COL4A4: variants seen among roughly 807,000 people sequenced by gnomAD.
COL4A4 encodes the protein collagen type IV alpha 4 chain, also known as collagen alpha-4(IV) chain.
A neutral mutation model predicts 192.9 loss-of-function variants in COL4A4; 105 were observed. That is an observed-to-expected ratio of 0.54 (90% confidence interval 0.46 to 0.64). The LOEUF (loss-of-function observed/expected upper bound fraction) is 0.64, where lower values mean the gene tolerates loss of function less well. COL4A4 is among the 30% of genes least tolerant of loss of function. COL4A4 has a pLI of 0.00. For missense variants in COL4A4, 1,967 were observed against 2,169.3 expected (o/e 0.91, Z 1.85); for synonymous variants, 762 against 769.9 (o/e 0.99, Z 0.17).
chr2:226,986,575 A>C, the COL4A4 span, among the ~76,000 whole-genome samples: 2 of 152,232 alleles, frequency 1.3e-5, no homozygotes, highest in Non-Finnish European at 2.9e-5. Flanking sequence ...GAAGCATATG[A>C]AAAAAAGCTC....
intron 33 of COL4A4, among the ~76,000 whole-genome samples, chr2:227,050,696 C>T (rs1312207560): frequency 6.6e-6 from 1 of 152,082 alleles, no homozygotes; most frequent in Non-Finnish European, 1.5e-5. Context: ...TCCAGTAAAC[C>T]AGTGGTCATG....
Position 227,027,744 on chromosome 2 carries a change from G to T in COL4A4, c.4081+158C>A, listed in dbSNP as rs1169935876. 1.3e-5 allele frequency: 7 copies of T among 554,022 alleles called. No homozygotes were observed. The East Asian group carries it at 1.8e-4, about 14-fold the overall frequency. 34.3% of individuals were successfully genotyped at this position (554,022 alleles called of 1,614,324 possible). A position where few individuals can be genotyped will look rare whatever the true frequency, so the allele number is the denominator to read the frequency against. ...TAAATTATTACTTTACCAAACATGA[G>T]ACTTTGTAGTGCGGCCTGAAAGAAA... On this transcript the variant is annotated intron_variant, in intron 42 of 47. Transcript: ENST00000396625.
At chr2:227,104,969 G>T (rs2060750680) in intron 12 of COL4A4, among the ~76,000 whole-genome samples, 1 of 151,804 alleles carries the variant, frequency 6.6e-6, no homozygotes, top group Non-Finnish European at 1.5e-5. Flanking sequence ...ATTTTTGGTG[G>T]TGTGTGTACA....
chr2:227,139,348 T>A (rs2063040029), intron 4 of COL4A4, among the ~76,000 whole-genome samples: 1 of 152,260 alleles, frequency 6.6e-6, no homozygotes, highest in African/African-American at 2.4e-5. Context: ...CCCAAACTTC[T>A]ATACCACACT....
At chr2:227,063,896 A>G (rs1236462627) in intron 25 of COL4A4, among the ~76,000 whole-genome samples, 3 of 152,044 alleles carry the variant, frequency 2.0e-5, no homozygotes, top group African/African-American at 7.2e-5. Flanking sequence ...GAAATGAAGG[A>G]AAAGCAATTT....
intron 12 of COL4A4, among the ~76,000 whole-genome samples, chr2:227,104,638 CTT>C (rs373008018): frequency 7.3e-5 from 8 of 110,330 alleles, no homozygotes; most frequent in Admixed American, 5.3e-4. Flanking sequence ...TCTATTAAAA[CTT>C]TTTTTTTTTT....
chr2:227,103,265 A>T, intron 13 of COL4A4, 68 bp from the exon 14 acceptor site: 1 of 1,204,038 alleles, frequency 8.3e-7, no homozygotes, highest in East Asian at 2.3e-5. Context: ...CATCTCCTTC[A>T]GAAATCATCT....
At position 227,080,566 on chromosome 2, in the gene COL4A4, A is replaced by G. The variant is rs2059271810; in HGVS notation, c.1697-17T>C. On this transcript the variant is annotated splice_polypyrimidine_tract_variant and intron_variant, in intron 23 of 47. Coordinates refer to ENST00000396625, the MANE Select transcript of COL4A4 (RefSeq NM_000092.5). ...CTTTGTGCCCTGGAAATAGAGGTCA[A>G]AAGATATTCAAGCTCTTATCAGCAG... The G allele has an allele frequency of 6.3e-7, 1 of 1,599,094 alleles. No individual in the cohort carries two copies.
intron 7 of COL4A4, among the ~76,000 whole-genome samples, chr2:227,115,458 G>T (rs954211720): frequency 1.3e-5 from 2 of 151,730 alleles, no homozygotes; most frequent in African/African-American, 4.8e-5. Context: ...TTTTTTAGTA[G>T]AGACGGGGTT....
intron 31 of COL4A4, among the ~76,000 whole-genome samples, chr2:227,052,808 C>CT (rs1215894130): frequency 6.6e-6 from 1 of 152,206 alleles, no homozygotes; most frequent in African/African-American, 2.4e-5. Context: ...TCCTCTCTTA[C>CT]TTTCCTTATA....
At chr2:227,105,101 T>A (rs4410280) in intron 12 of COL4A4, among the ~76,000 whole-genome samples, 83,595 of 150,568 alleles carry the variant, frequency 0.56, 23,804 homozygotes, top group Middle Eastern at 0.67. Flanking sequence ...TACAGCATAT[T>A]TTATTAAATT....
Position 227,007,495 on chromosome 2 carries a change from G to A in COL4A4, c.4903C>T (p.Gln1635Ter), listed in dbSNP as rs1553611947. 6.2e-7 allele frequency: 1 copy of A among 1,614,110 alleles called. No individual in the cohort carries two copies. Among genetic ancestry groups the A allele is most frequent in the Non-Finnish European group, 8.5e-7 (1 of 1,180,032 alleles). Residue 1635 changes from glutamine to a stop codon, truncating the protein, a stop_gained, in exon 48 of 48, where the codon CAG (glutamine) becomes TAG (stop). Coordinates refer to ENST00000396625, the MANE Select transcript of COL4A4 (RefSeq NM_000092.5). LOFTEE classifies it high-confidence loss of function. ...AAGTGGCAAGTTCCCTGCCGGCCCT[G>A]GCATTCAAGGAATGGTGCTGCTCTG... The part of the protein sequence containing the change: ...DFRAAPFLEC[Q>*]GRQGTCHFFA...
chr2:227,072,826 G>C (rs1031998533), intron 25 of COL4A4, among the ~76,000 whole-genome samples: 1 of 151,918 alleles, frequency 6.6e-6, no homozygotes, highest in African/African-American at 2.4e-5. Flanking sequence ...TGCAGAAAAA[G>C]CATTCGACAA....
At chr2:227,050,915 C>G in intron 33 of COL4A4, 62 bp downstream of exon 33, 1 of 1,596,502 alleles carries the variant, frequency 6.3e-7, no homozygotes, top group Non-Finnish European at 8.6e-7. Context: ...TAGCTCCTTA[C>G]GGACATCCTA....
rs561425659 is a variant in COL4A4 at position 227,051,629 on chromosome 2, T to C, written c.2969-471A>G. On this transcript the variant is annotated intron_variant, in intron 32 of 47. Coordinates refer to ENST00000396625, the MANE Select transcript of COL4A4 (RefSeq NM_000092.5). ...GCAGGATACCTGGCTGCCCCAGAGC[T>C]GCTGAATCAGAATCTGCATTTTAAC... Among the ~76,000 whole-genome samples, 5 of 152,328 alleles carry C rather than the reference T, an allele frequency of 3.3e-5. No individual in the cohort carries two copies. In the South Asian group the frequency reaches 1.0e-3, roughly 32 times the overall value.
At chr2:227,013,375 C>T (rs1218237142) in intron 44 of COL4A4, among the ~76,000 whole-genome samples, 3 of 152,148 alleles carry the variant, frequency 2.0e-5, no homozygotes, top group Non-Finnish European at 4.4e-5. Context: ...CCCCGTATCT[C>T]AGAATGTGAC....
intron 16 of COL4A4, 93 bp downstream of exon 16, chr2:227,101,770 ACT>A (rs1474581107): frequency 2.4e-5 from 27 of 1,135,244 alleles, no homozygotes; most frequent in Non-Finnish European, 1.7e-5. Context: ...CTTCCTAATT[ACT>A]GTGTTTGCAC....
At chr2:227,011,923 T>C (rs1963809399) in intron 45 of COL4A4, among the ~76,000 whole-genome samples, 1 of 152,210 alleles carries the variant, frequency 6.6e-6, no homozygotes, top group African/African-American at 2.4e-5. Context: ...TTGATGATGA[T>C]GTATAGCAGT....
At chr2:227,041,848 G>GAAAGAGAGAGAGAGAGAGAAAGAA (rs1243663359) in intron 37 of COL4A4, among the ~76,000 whole-genome samples, 6 of 38,732 alleles carry the variant, frequency 1.5e-4, no homozygotes, top group African/African-American at 3.7e-4. Context: ...AAGAAAGAAA[G>GAAAGAGAGAGAGAGAGAGAAAGAA]AGAAAGAAAG....
Sources: allele counts gnomAD v4.1 joint callset (sites outside exome capture counted in the v4.1 genomes callset), GRCh38; gene constraint gnomAD v4.1.1; transcripts MANE v1.5; gene names NCBI Gene and HGNC (gene_info 2026-07-23, HGNC 2026-07-21).